Variants in PLXDC2 observed in about 807,000 individuals in gnomAD.
The protein encoded by PLXDC2 is plexin domain-containing protein 2.
PLXDC2 carries 40 observed loss-of-function variants against 68.9 expected under a neutral mutation model. The ratio of observed to expected loss-of-function variants is 0.58; its 90% CI spans 0.45 to 0.76. The LOEUF is 0.76. Among genes scored for constraint, PLXDC2 ranks in the 30% least tolerant of loss-of-function variants. The pLI is 0.00. For synonymous variants in PLXDC2, 243 were observed against 234.2 expected (o/e 1.04, Z -0.34); for missense variants, 644 against 661.9 (o/e 0.97, Z 0.30).
At chr10:20,047,047 C>T (rs1010335884) in intron 3 of PLXDC2, 32 bp downstream of exon 3, 2 of 1,533,230 alleles carry the variant, frequency 1.3e-6, no homozygotes, top group African/African-American at 2.8e-5. Flanking sequence ...GTTCATTTTA[C>T]CTACTGTGAA....
rs1195073720 is a variant in PLXDC2 at position 20,288,334 on chromosome 10, C to G, written c.*8515C>G. 1 of 151,796 alleles carries G rather than the reference C, an allele frequency of 6.6e-6. No homozygotes were observed. The highest frequency in any genetic ancestry group is 1.5e-5 in the Non-Finnish European group (1 of 68,006). The allele number at this position is 151,796 out of a possible 1,614,324, so 9.4% of individuals were successfully genotyped here. On this transcript the variant is annotated 3_prime_UTR_variant, in exon 14 of 14. Coordinates refer to ENST00000377252, the MANE Select transcript of PLXDC2 (RefSeq NM_032812.9). The stretch of plus-strand genomic sequence containing the variant: ...CAAGCATTTTGAATTTATTCCAGTC[C>G]TCTGGGCATCATTCCTATTTCTTCT...
chr10:20,234,798 G>A (rs1417834876), intron 12 of PLXDC2, among the ~76,000 whole-genome samples: 1 of 151,248 alleles, frequency 6.6e-6, no homozygotes, highest in Non-Finnish European at 1.5e-5. Flanking sequence ...ATAGCAAAAA[G>A]ATTGTATGGT....
chr10:20,175,367 A>G (rs1834512210), intron 7 of PLXDC2, among the ~76,000 whole-genome samples: 1 of 152,208 alleles, frequency 6.6e-6, no homozygotes, highest in African/African-American at 2.4e-5. Context: ...GTTTGAGCCC[A>G]GACAGAATGT....
intron 4 of PLXDC2, among the ~76,000 whole-genome samples, chr10:20,090,032 G>A (rs1833255522): frequency 6.6e-6 from 1 of 152,162 alleles, no homozygotes; most frequent in East Asian, 1.9e-4. Context: ...ATTGCCAGTG[G>A]CACCGCAGAG....
intron 1 of PLXDC2, among the ~76,000 whole-genome samples, chr10:19,824,700 A>T (rs1394653090): frequency 6.6e-6 from 1 of 152,180 alleles, no homozygotes; most frequent in Non-Finnish European, 1.5e-5. Context: ...AGTTTCTTCC[A>T]CTATTTATTG....
intron 1 of PLXDC2, among the ~76,000 whole-genome samples, chr10:19,984,272 G>C (rs547499241): frequency 2.1e-3 from 322 of 152,226 alleles, no homozygotes; most frequent in African/African-American, 7.4e-3. Context: ...AAAGCAAGGG[G>C]GGAAGAGGCA....
chr10:20,122,928 G>T (rs1833719138), intron 4 of PLXDC2, among the ~76,000 whole-genome samples: 1 of 152,154 alleles, frequency 6.6e-6, no homozygotes, highest in Non-Finnish European at 1.5e-5. Flanking sequence ...GCATCTCAGG[G>T]TTGCTGCCAA....
chr10:20,199,425 TA>T (rs1386945670), intron 9 of PLXDC2, among the ~76,000 whole-genome samples: 2 of 151,998 alleles, frequency 1.3e-5, no homozygotes, highest in East Asian at 3.9e-4. Flanking sequence ...GAAACATAAG[TA>T]AGAGATAAGA....
chr10:20,026,936 CTT>C (rs1469294268), intron 2 of PLXDC2, among the ~76,000 whole-genome samples: 2 of 56,848 alleles, frequency 3.5e-5, no homozygotes, highest in African/African-American at 1.4e-4. Flanking sequence ...ATAGAATACA[CTT>C]TTATAATATA....
chr10:19,929,297 A>G (rs965175508), intron 1 of PLXDC2, among the ~76,000 whole-genome samples: 6 of 152,118 alleles, frequency 3.9e-5, no homozygotes, highest in Admixed American at 1.3e-4. Context: ...GGGGAACTCA[A>G]ATGGGACCAG....
intron 1 of PLXDC2, among the ~76,000 whole-genome samples, chr10:19,962,032 A>T (rs2131603319): frequency 6.6e-6 from 1 of 152,318 alleles, no homozygotes; most frequent in Middle Eastern, 3.4e-3. Context: ...TCATGCGGAA[A>T]TGAGGTGTTT....
intron 1 of PLXDC2, among the ~76,000 whole-genome samples, chr10:19,939,990 A>G (rs371829828): frequency 6.6e-6 from 1 of 151,892 alleles, no homozygotes; most frequent in Non-Finnish European, 1.5e-5. Flanking sequence ...GGCTTTTTAT[A>G]TAATATGTCT....
intron 4 of PLXDC2, among the ~76,000 whole-genome samples, chr10:20,110,585 G>A (rs761635031): frequency 2.0e-5 from 3 of 151,890 alleles, no homozygotes; most frequent in Non-Finnish European, 2.9e-5. Flanking sequence ...CCACTCTCAG[G>A]CATCACCAAG....
chr10:20,075,138 T>A (rs1408698111), intron 4 of PLXDC2, among the ~76,000 whole-genome samples: 4 of 152,164 alleles, frequency 2.6e-5, no homozygotes, highest in Admixed American at 2.6e-4. Flanking sequence ...TACTCCTCCC[T>A]CAAACTGTCT....
intron 4 of PLXDC2, among the ~76,000 whole-genome samples, chr10:20,090,882 G>A (rs1467995198): frequency 6.6e-6 from 1 of 152,138 alleles, no homozygotes; most frequent in East Asian, 1.9e-4. Context: ...TATCATGAAT[G>A]TGCTATCCCA....
intron 2 of PLXDC2, among the ~76,000 whole-genome samples, chr10:20,017,525 C>T (rs753516273): frequency 2.6e-5 from 4 of 152,114 alleles, no homozygotes; most frequent in Non-Finnish European, 5.9e-5. Context: ...ATGAAGAAAC[C>T]GAATTCCAGT....
chr10:20,024,870 G>T (rs1386460145), intron 2 of PLXDC2, among the ~76,000 whole-genome samples: 1 of 152,090 alleles, frequency 6.6e-6, no homozygotes, highest in Non-Finnish European at 1.5e-5. Context: ...GCCTCTAGCT[G>T]CATCCATGTT....
chr10:19,865,662 C>G (rs1837400722), intron 1 of PLXDC2, among the ~76,000 whole-genome samples: 1 of 152,188 alleles, frequency 6.6e-6, no homozygotes, highest in African/African-American at 2.4e-5. Flanking sequence ...TTGTTACTTT[C>G]TGTTTCAGCC....
At chr10:20,107,940 A>AT (rs1833512859) in intron 4 of PLXDC2, among the ~76,000 whole-genome samples, 1 of 152,172 alleles carries the variant, frequency 6.6e-6, no homozygotes, top group African/African-American at 2.4e-5. Context: ...TTTAATAATT[A>AT]TTTTAGATTA....
Sources: gnomAD v4.1 joint callset for allele counts (sites outside exome capture counted in the v4.1 genomes callset) on GRCh38, gnomAD v4.1.1 for gene constraint, MANE v1.5 for transcripts, NCBI Gene and HGNC (gene_info 2026-07-23, HGNC 2026-07-21) for gene names.